Variants in SORT1 observed in about 807,000 individuals in gnomAD.
The protein encoded by SORT1 is sortilin 1.
Under a neutral mutation model 101.7 loss-of-function variants are expected in SORT1, and 39 were observed. That is an observed-to-expected ratio of 0.38 (90% CI 0.30 to 0.50). The LOEUF (loss-of-function observed/expected upper bound fraction) is 0.50. Ranked by LOEUF, SORT1 falls within the 20% of genes least tolerant of loss-of-function variation. SORT1 has a pLI of 0.90. For missense variants in SORT1, 878 were observed against 1,040.4 expected (o/e 0.84, Z 2.15); for synonymous variants, 396 against 393.7 (o/e 1.01, Z -0.07).
chr1:109,336,071 A>G (rs978933332), intron 11 of SORT1, among the ~76,000 whole-genome samples, 169 bp downstream of exon 11: 2 of 152,210 alleles, frequency 1.3e-5, no homozygotes, highest in Non-Finnish European at 2.9e-5. Context: ...ACCTTTCCTC[A>G]GTTCTTACTT....
At chr1:109,324,521 C>A (rs1242348958) in intron 14 of SORT1, among the ~76,000 whole-genome samples, 1 of 152,156 alleles carries the variant, frequency 6.6e-6, no homozygotes, top group Non-Finnish European at 1.5e-5. Flanking sequence ...AAACACTGTG[C>A]AATGAACATT....
At chr1:109,393,227 T>C in intron 1 of SORT1, 1 of 985,464 alleles carries the variant, frequency 1.0e-6, no homozygotes, top group Non-Finnish European at 1.2e-6. Context: ...AGGGCCTGTT[T>C]ATTTAAGGAA....
intron 3 of SORT1, among the ~76,000 whole-genome samples, 184 bp from the exon 4 acceptor site, chr1:109,355,653 C>CA (rs1302254025): frequency 6.5e-5 from 9 of 139,150 alleles, no homozygotes; most frequent in African/African-American, 2.1e-4. Context: ...CCGCCCCCCC[C>CA]CCCACAAACC....
intron 11 of SORT1, among the ~76,000 whole-genome samples, chr1:109,334,143 C>A (rs1648649222): frequency 6.6e-6 from 1 of 151,814 alleles, no homozygotes; most frequent in African/African-American, 2.4e-5. Context: ...AAGACTGTGT[C>A]TTTAAAAAAA....
chr1:109,378,390 G>C (rs753722059), intron 1 of SORT1, among the ~76,000 whole-genome samples: 13 of 151,952 alleles, frequency 8.6e-5, no homozygotes, highest in Non-Finnish European at 1.5e-4. Context: ...AGAAAGCTGA[G>C]AGAGGCCACT....
chr1:109,365,055 T>C (rs972895974), intron 3 of SORT1, among the ~76,000 whole-genome samples: 1 of 152,196 alleles, frequency 6.6e-6, no homozygotes, highest in African/African-American at 2.4e-5. Flanking sequence ...TACAATTATA[T>C]GATACAACAT....
In SORT1 at chr1:109,375,404, G is replaced by A. The variant is rs141948108; in HGVS notation, c.307-5815C>T. ...TAAAAATACAAAAAATTCGCCGGGC[G>A]AGGTGGCGGGCGCCTGTAGTACCAG... is the stretch of plus-strand genomic sequence containing the variant. On this transcript the variant is annotated intron_variant, in intron 1 of 19. Coordinates refer to ENST00000256637, the MANE Select transcript of SORT1 (RefSeq NM_002959.7). Among the ~76,000 whole-genome samples, 766 of 152,076 alleles carry A rather than the reference G, an allele frequency of 5.0e-3. 10 individuals carry two copies. The highest frequency in any genetic ancestry group is 0.018 in the African/African-American group (734 of 41,526).
At chr1:109,355,641 A>ACCCCCCCCCCCCCCCCCCC (rs529686433) in intron 3 of SORT1, among the ~76,000 whole-genome samples, 172 bp from the exon 4 acceptor site, 11 of 84,098 alleles carry the variant, frequency 1.3e-4, no homozygotes, top group Non-Finnish European at 1.8e-4. Flanking sequence ...AGAACATTCC[A>ACCCCCCCCCCCCCCCCCCC]CCCGCCCCCC....
chr1:109,331,062 C>T (rs1648425895), intron 11 of SORT1, among the ~76,000 whole-genome samples: 1 of 152,168 alleles, frequency 6.6e-6, no homozygotes, highest in Non-Finnish European at 1.5e-5. Context: ...TAAGACCGAT[C>T]CTTCTCAAAC....
In SORT1 at chr1:109,345,472, G is replaced by A. The variant is rs1014605395; in HGVS notation, c.963+279C>T. On this transcript the variant is annotated intron_variant, in intron 8 of 19. Coordinates refer to ENST00000256637, the MANE Select transcript of SORT1 (RefSeq NM_002959.7). ...GGAGGGTGCAGTGAGCCGAGATTGC[G>A]TCACTGCACTCCAGCCTAGGCAACA... Among the ~76,000 whole-genome samples the A allele has an allele frequency of 1.1e-4, 16 of 151,592 alleles. No individual in the cohort carries two copies. The East Asian group carries it at 1.9e-3, about 18-fold the overall frequency.
At chr1:109,323,948 G>C (rs955922776) in intron 14 of SORT1, among the ~76,000 whole-genome samples, 1 of 152,198 alleles carries the variant, frequency 6.6e-6, no homozygotes, top group African/African-American at 2.4e-5. Context: ...TTATGGAAAT[G>C]TGAGGTCCAA....
At chr1:109,380,232 G>A (rs1333973050) in intron 1 of SORT1, among the ~76,000 whole-genome samples, 1 of 151,972 alleles carries the variant, frequency 6.6e-6, no homozygotes, top group Non-Finnish European at 1.5e-5. Context: ...GTTCGAGGCT[G>A]TAGTGATCTG....
At chr1:109,318,133 G>A (rs1197506749) in intron 15 of SORT1, among the ~76,000 whole-genome samples, 164 bp from the exon 16 acceptor site, 2 of 151,910 alleles carry the variant, frequency 1.3e-5, no homozygotes, top group Non-Finnish European at 2.9e-5. Flanking sequence ...GGTCGATTTA[G>A]GAAAACAGAC....
chr1:109,363,843 T>C (rs906290891), intron 3 of SORT1, among the ~76,000 whole-genome samples: 11 of 152,220 alleles, frequency 7.2e-5, no homozygotes, highest in African/African-American at 2.2e-4. Flanking sequence ...AGGACCCATT[T>C]TGATCAAACT....
At chr1:109,344,426 G>T (rs1194870871) in intron 8 of SORT1, among the ~76,000 whole-genome samples, 3 of 152,134 alleles carry the variant, frequency 2.0e-5, no homozygotes, top group Non-Finnish European at 4.4e-5. Context: ...GCCCCACTTT[G>T]GACTATTATT....
chr1:109,327,450 G>T, intron 12 of SORT1, 49 bp downstream of exon 12: 1 of 1,160,870 alleles, frequency 8.6e-7, no homozygotes, highest in East Asian at 2.4e-5. Context: ...GAGTTTCAGT[G>T]TGCTCAGCCA....
chr1:109,354,326 T>A (rs770063337), intron 5 of SORT1, 41 bp downstream of exon 5: 1 of 1,537,422 alleles, frequency 6.5e-7, no homozygotes, highest in Non-Finnish European at 8.9e-7. Flanking sequence ...TTTGAGACTA[T>A]AAAATGCAAA....
intron 8 of SORT1, 84 bp from the exon 9 acceptor site, chr1:109,342,242 C>A: frequency 9.9e-7 from 1 of 1,013,758 alleles, no homozygotes. Context: ...TTTTAAATAA[C>A]TACTATTATC....
chr1:109,376,135 G>A (rs1415959603), intron 1 of SORT1, among the ~76,000 whole-genome samples: 2 of 152,096 alleles, frequency 1.3e-5, no homozygotes, highest in African/African-American at 4.8e-5. Context: ...GAGGTCAGGA[G>A]ATCGAGACTA....
Sources: allele counts gnomAD v4.1 joint callset (sites outside exome capture counted in the v4.1 genomes callset), GRCh38; gene constraint gnomAD v4.1.1; transcripts MANE v1.5; gene names NCBI Gene and HGNC (gene_info 2026-07-23, HGNC 2026-07-21).